Variants in FOXP2 observed in about 807,000 individuals in gnomAD.
FOXP2 encodes forkhead box P2, also known as forkhead box protein P2.
Under a neutral mutation model 115.8 loss-of-function variants are expected in FOXP2, and 12 were observed. The ratio of observed to expected loss-of-function variants is 0.10; its 90% confidence interval spans 0.07 to 0.17. FOXP2 has a LOEUF of 0.17. Ranked by LOEUF, FOXP2 falls within the 10% of genes least tolerant of loss-of-function variation. The pLI is 1.00. For missense variants in FOXP2, 629 were observed against 843.5 expected, an observed-to-expected ratio of 0.75 and a Z score of 3.15; for synonymous variants, 328 against 297.7, an observed-to-expected ratio of 1.10 and a Z score of -1.05.
intron 2 of FOXP2, among the ~76,000 whole-genome samples, chr7:114,504,125 T>C (rs1056053161): frequency 3.4e-4 from 52 of 151,682 alleles, no homozygotes; most frequent in African/African-American, 1.3e-3. Context: ...CACAGGTTAA[T>C]TTAAAAGTAA....
At chr7:114,091,186 A>C (rs180777598) in intron 1 of FOXP2, among the ~76,000 whole-genome samples, 2 of 151,802 alleles carry the variant, frequency 1.3e-5, no homozygotes, top group Admixed American at 1.3e-4. Flanking sequence ...TCCTGCCCTA[A>C]ATTTCCCAGA....
upstream of FOXP2, chr7:114,086,472 G>GC (rs200867210): frequency 3.3e-3 from 1,113 of 336,702 alleles, 3 homozygotes; most frequent in East Asian, 0.012. Context: ...GGCTTCCTCG[G>GC]CCCCCCCCCT....
intron 2 of FOXP2, among the ~76,000 whole-genome samples, chr7:114,519,377 G>GT (rs564368843): frequency 3.9e-5 from 6 of 152,142 alleles, no homozygotes; most frequent in Non-Finnish European, 7.3e-5. Context: ...TGTCCCAGCT[G>GT]TTGCAGACTT....
chr7:114,366,988 T>C (rs1454360183), intron 2 of FOXP2, among the ~76,000 whole-genome samples: 2 of 152,178 alleles, frequency 1.3e-5, no homozygotes, highest in Non-Finnish European at 2.9e-5. Flanking sequence ...CAAATTCCAC[T>C]TAACTATTTA....
intron 1 of FOXP2, among the ~76,000 whole-genome samples, chr7:114,252,890 G>A (rs1035803489): frequency 6.6e-6 from 1 of 152,118 alleles, no homozygotes; most frequent in Admixed American, 6.5e-5. Context: ...ATGTTAGGGT[G>A]TCAATTTTAG....
At chr7:114,459,280 G>A (rs1275096475) in intron 2 of FOXP2, among the ~76,000 whole-genome samples, 1 of 152,184 alleles carries the variant, frequency 6.6e-6, no homozygotes, top group Admixed American at 6.5e-5. Context: ...AGCAGTGTGG[G>A]AAGAGCCGTA....
intron 8 of FOXP2, among the ~76,000 whole-genome samples, chr7:114,646,542 C>T (rs1162004178): frequency 6.6e-6 from 1 of 151,910 alleles, no homozygotes; most frequent in Non-Finnish European, 1.5e-5. Flanking sequence ...AACTTTGGTT[C>T]CAAAGACTGA....
intron 6 of FOXP2, among the ~76,000 whole-genome samples, chr7:114,633,516 A>T (rs1171310613): frequency 6.6e-6 from 1 of 152,186 alleles, no homozygotes; most frequent in Non-Finnish European, 1.5e-5. Flanking sequence ...GAAATCACTC[A>T]ACTATGTTTT....
chr7:114,178,553 G>C (rs1027604469), intron 1 of FOXP2, among the ~76,000 whole-genome samples: 1 of 151,822 alleles, frequency 6.6e-6, no homozygotes, highest in Non-Finnish European at 1.5e-5. Context: ...TCATGTGCTT[G>C]TATTTTATAA....
At chr7:114,443,716 C>T (rs1217216245) in intron 2 of FOXP2, among the ~76,000 whole-genome samples, 1 of 152,082 alleles carries the variant, frequency 6.6e-6, no homozygotes, top group Non-Finnish European at 1.5e-5. Context: ...CGATAATGGC[C>T]TCCAGTTCCA....
At chr7:114,182,707 G>A (rs1211157009) in intron 1 of FOXP2, among the ~76,000 whole-genome samples, 1 of 151,190 alleles carries the variant, frequency 6.6e-6, no homozygotes, top group African/African-American at 2.4e-5. Context: ...TACGTCTATA[G>A]AAATAGAATT....
At chr7:114,156,775 C>G (rs1296472250) in intron 1 of FOXP2, among the ~76,000 whole-genome samples, 4 of 152,088 alleles carry the variant, frequency 2.6e-5, no homozygotes, top group Non-Finnish European at 5.9e-5. Flanking sequence ...TCTTACTTTT[C>G]ATATTGTATG....
chr7:114,506,948 T>C (rs1281354251), intron 2 of FOXP2, among the ~76,000 whole-genome samples: 1 of 151,766 alleles, frequency 6.6e-6, no homozygotes, highest in Non-Finnish European at 1.5e-5. Context: ...CTTCGTAGAA[T>C]ATTGAATTAT....
intron 2 of FOXP2, among the ~76,000 whole-genome samples, chr7:114,489,254 A>T (rs1796927851): frequency 6.6e-6 from 1 of 152,182 alleles, no homozygotes; most frequent in Admixed American, 6.5e-5. Context: ...TTTAAAAAGT[A>T]ATTGAGGAAT....
chr7:114,087,616 C>A (rs1282433301), upstream of FOXP2: 1 of 147,590 alleles, frequency 6.8e-6, no homozygotes, highest in Non-Finnish European at 1.5e-5. Flanking sequence ...CGCGGCGGCG[C>A]ACGTGCGGCG....
At chr7:114,276,366 T>G (rs1477591935) in intron 1 of FOXP2, among the ~76,000 whole-genome samples, 1 of 152,142 alleles carries the variant, frequency 6.6e-6, no homozygotes, top group East Asian at 1.9e-4. Flanking sequence ...GGTTTCATCA[T>G]GTTGGCCAGG....
At chr7:114,323,273 A>AT in intron 2 of FOXP2, among the ~76,000 whole-genome samples, 1 of 152,212 alleles carries the variant, frequency 6.6e-6, no homozygotes, top group South Asian at 2.1e-4. Context: ...TTAAACTGTA[A>AT]TTTGAGTTTA....
At chr7:114,654,166 C>T in intron 10 of FOXP2, 157 bp downstream of exon 10, 1 of 1,499,650 alleles carries the variant, frequency 6.7e-7, no homozygotes, top group Middle Eastern at 1.8e-4. Context: ...TTGTATGTTT[C>T]TTTTAAAGTA....
At chr7:114,213,230 T>G (rs2129162180) in intron 1 of FOXP2, among the ~76,000 whole-genome samples, 1 of 152,316 alleles carries the variant, frequency 6.6e-6, no homozygotes, top group Non-Finnish European at 1.5e-5. Flanking sequence ...ACTAGGAGTG[T>G]TACAGGAAGA....
Sources: allele counts gnomAD v4.1 joint callset (sites outside exome capture counted in the v4.1 genomes callset), GRCh38; gene constraint gnomAD v4.1.1; transcripts MANE v1.5; gene names NCBI Gene and HGNC (gene_info 2026-07-23, HGNC 2026-07-21).